HNRNPK: variants seen among roughly 807,000 people sequenced by gnomAD.
HNRNPK encodes the protein dC-stretch binding protein.
HNRNPK carries 7 observed loss-of-function variants against 67.0 expected under a neutral mutation model. The ratio of observed to expected loss-of-function variants is 0.10; its 90% CI spans 0.06 to 0.20. HNRNPK has a LOEUF of 0.20. Among genes scored for constraint, HNRNPK ranks in the 10% least tolerant of loss-of-function variants. HNRNPK has a pLI of 1.00. For missense variants in HNRNPK, 264 were observed against 606.5 expected (o/e 0.44, Z 5.93); for synonymous variants, 213 against 193.7 (o/e 1.10, Z -0.83).
intron 13 of HNRNPK, 65 bp from the exon 14 acceptor site, chr9:83,970,977 A>C: frequency 6.7e-7 from 1 of 1,497,846 alleles, no homozygotes; most frequent in South Asian, 1.1e-5. Context: ...GTACTTTAAA[A>C]AAATTCATTT....
chr9:83,973,256 A>T, intron 9 of HNRNPK, 30 bp downstream of exon 9: 2 of 1,270,792 alleles, frequency 1.6e-6, no homozygotes, highest in Middle Eastern at 5.3e-4. Context: ...CTTTCCAGCA[A>T]AGAATACGGC....
At chr9:83,978,699 T>C (rs1957190837) in intron 1 of HNRNPK, among the ~76,000 whole-genome samples, 1 of 152,228 alleles carries the variant, frequency 6.6e-6, no homozygotes. Flanking sequence ...ACCACAGCAA[T>C]GAATTGTTTT....
intron 15 of HNRNPK, 191 bp downstream of exon 15, chr9:83,970,543 AACT>A (rs1375622317): frequency 3.1e-6 from 2 of 640,708 alleles, no homozygotes; most frequent in Non-Finnish European, 5.4e-6. Flanking sequence ...AAACCTACTT[AACT>A]ACTTTTATTA....
intron 10 of HNRNPK, 100 bp from the exon 11 acceptor site, chr9:83,972,289 C>A: frequency 1.1e-6 from 1 of 869,662 alleles, no homozygotes. Flanking sequence ...TAAGTCATTC[C>A]CCCATCAGGA....
In HNRNPK at chr9:83,978,379, T is replaced by TTA; in HGVS notation, c.-36_-35dup. 6.7e-7 allele frequency: 1 copy of TTA among 1,482,180 alleles called. No homozygotes were observed. Among genetic ancestry groups the TTA allele is most frequent in the Admixed American group, 2.7e-5 (1 of 37,296 alleles). The allele number at this position is 1,482,180 out of a possible 1,614,324, so 91.8% of individuals were successfully genotyped here. A position where few individuals can be genotyped will look rare whatever the true frequency, so the allele number is the denominator to read the frequency against. ...CATTGCTTCTAGAACGTACCAGTTA[T>TTA]TATATATCCTTGCAGAGCAGAACTG... On this transcript the variant is annotated 5_prime_UTR_variant, in exon 2 of 17. Transcript: ENST00000376263.
In HNRNPK at chr9:83,972,233, G is replaced by T. The variant is rs1197676644; in HGVS notation, c.646-44C>A. The T allele has an allele frequency of 5.7e-6, 8 of 1,413,582 alleles. No homozygotes were observed. The Middle Eastern group carries it at 7.3e-4, about 129-fold the overall frequency. 87.6% of individuals were successfully genotyped at this position (1,413,582 alleles called of 1,614,324 possible). On this transcript the variant is annotated intron_variant, in intron 10 of 16. Coordinates refer to ENST00000376263, the MANE Select transcript of HNRNPK (RefSeq NM_031263.4). ...CAAACTTACAGACTGAAGAAAAAGA[G>T]TCCTGCTTCATACCAATCCTTCTAA...
rs748302938 is a variant in HNRNPK at position 83,973,990 on chromosome 9, A to G, written c.331-17T>C. The G allele has an allele frequency of 1.3e-6, 2 of 1,587,400 alleles. No individual in the cohort carries two copies. The highest frequency in any genetic ancestry group is 1.7e-5 in the Admixed American group (1 of 59,970). On this transcript the variant is annotated splice_polypyrimidine_tract_variant and intron_variant, in intron 7 of 16. Transcript: ENST00000376263. ...CTGCAGGCCCTGAAAGTAGAAAAAT[A>G]AGAGTAATAGGTTAAGTGTCTAGCG...
Position 83,970,830 on chromosome 9 carries a change from T to C in HNRNPK, c.1109-11A>G. On this transcript the variant is annotated splice_polypyrimidine_tract_variant and intron_variant, in intron 14 of 16. Transcript: ENST00000376263. ...CTGCATAGGAATAATCTGATTTAAA[T>C]AATGAGCAGTAAGTTCATTTAAAAA... is the stretch of plus-strand genomic sequence containing the variant. 1.9e-6 allele frequency: 3 copies of C among 1,607,652 alleles called. No homozygotes were observed. The highest frequency in any genetic ancestry group is 2.6e-6 in the Non-Finnish European group (3 of 1,174,210).
intron 16 of HNRNPK, chr9:83,969,796 A>C (rs1436462192): frequency 1.6e-6 from 1 of 629,322 alleles, no homozygotes; most frequent in South Asian, 1.4e-5. Context: ...TTTGTTGTCG[A>C]TTTAGTTATC....
At chr9:83,972,306 A>T (rs2133033261) in intron 10 of HNRNPK, 117 bp from the exon 11 acceptor site, 1 of 743,716 alleles carries the variant, frequency 1.3e-6, no homozygotes, top group South Asian at 2.0e-5. Context: ...AGGAGGTACT[A>T]GAGACAGAAA....
intron 10 of HNRNPK, 128 bp from the exon 11 acceptor site, chr9:83,972,317 C>G (rs773366853): frequency 7.8e-5 from 54 of 692,150 alleles, no homozygotes; most frequent in Non-Finnish European, 1.2e-4. Context: ...GAGACAGAAA[C>G]AGGAATTATG....
intron 10 of HNRNPK, among the ~76,000 whole-genome samples, chr9:83,972,557 G>C (rs1190838842): frequency 4.6e-5 from 7 of 152,170 alleles, no homozygotes. Context: ...TCCATACTGA[G>C]GCACCTGAGA....
chr9:83,975,801 G>A, intron 5 of HNRNPK: 3 of 425,970 alleles, frequency 7.0e-6, no homozygotes, highest in Non-Finnish European at 1.3e-5. Flanking sequence ...AATGAAACAA[G>A]CTTAAGTTGT....
chr9:83,974,748 A>T lies in HNRNPK; in HGVS notation c.258-159T>A. ...GCCTATTTATAGATTTCTCACATGCATTTTGTTTTATACCCAATACAGACA... is the reference window on the plus strand; with the variant it reads ...GCCTATTTATAGATTTCTCACATGCTTTTTGTTTTATACCCAATACAGACA... On this transcript the variant is annotated intron_variant, in intron 6 of 16. Transcript: ENST00000376263. The T allele has an allele frequency of 5.1e-6, 3 of 593,238 alleles. No individual in the cohort carries two copies. The South Asian group carries it at 6.4e-5, about 13-fold the overall frequency. The allele number at this position is 593,238 out of a possible 1,614,324, so 36.7% of individuals were successfully genotyped here. A position where few individuals can be genotyped will look rare whatever the true frequency, so the allele number is the denominator to read the frequency against.
In HNRNPK at chr9:83,972,208, C is replaced by T. The variant is rs1956877749; in HGVS notation, c.646-19G>A. 6.4e-7 allele frequency: 1 copy of T among 1,557,380 alleles called. No individual in the cohort carries two copies. On this transcript the variant is annotated intron_variant, in intron 10 of 16. Transcript: ENST00000376263. Reference sequence around the variant, plus strand: ...TGGGAGACTAAAAACAGAGATGGAACAAACTTACAGACTGAAGAAAAAGAG... The same window carrying T: ...TGGGAGACTAAAAACAGAGATGGAATAAACTTACAGACTGAAGAAAAAGAG...
Position 83,968,148 on chromosome 9 carries a change from C to T in HNRNPK, c.*1259G>A, listed in dbSNP as rs1237297449. 1 of 152,556 alleles carries T rather than the reference C, an allele frequency of 6.6e-6. No individual in the cohort carries two copies. Among genetic ancestry groups the T allele is most frequent in the Non-Finnish European group, 1.5e-5 (1 of 68,002 alleles). 9.5% of individuals were successfully genotyped at this position (152,556 alleles called of 1,614,324 possible). ...AACAAATTTTACAGGTGTCAATCAA[C>T]CCTTGTTCAAATCGGGCACACATCA... On this transcript the variant is annotated 3_prime_UTR_variant, in exon 17 of 17. Transcript: ENST00000376263.
intron 1 of HNRNPK, among the ~76,000 whole-genome samples, chr9:83,979,398 A>G (rs929040012): frequency 2.0e-5 from 3 of 152,230 alleles, no homozygotes; most frequent in African/African-American, 7.2e-5. Flanking sequence ...AGCAGGGCTT[A>G]TCTGTAAGAA....
intron 5 of HNRNPK, 107 bp downstream of exon 5, chr9:83,976,888 T>C (rs1957090599): frequency 3.1e-6 from 2 of 640,300 alleles, no homozygotes; most frequent in Non-Finnish European, 5.4e-6. Flanking sequence ...ATTACAAATG[T>C]CTTTGTAGCT....
intron 6 of HNRNPK, 39 bp from the exon 7 acceptor site, chr9:83,974,628 T>A: frequency 6.9e-7 from 1 of 1,453,892 alleles, no homozygotes; most frequent in Non-Finnish European, 9.5e-7. Flanking sequence ...ACAAAAAAGG[T>A]GGAAAAGAAA....
Sources: gnomAD v4.1 joint callset for allele counts (sites outside exome capture counted in the v4.1 genomes callset) on GRCh38, gnomAD v4.1.1 for gene constraint, MANE v1.5 for transcripts, NCBI Gene and HGNC (gene_info 2026-07-23, HGNC 2026-07-21) for gene names.